The following MOXD1 variants were observed in gnomAD, a reference collection of about 807,000 sequenced individuals.
The protein encoded by MOXD1 is DBH-like monooxygenase protein 1.
A neutral mutation model predicts 66.6 loss-of-function variants in MOXD1; 62 were observed. That is an observed-to-expected ratio of 0.93 (90% CI 0.76 to 1.15). The LOEUF (loss-of-function observed/expected upper bound fraction) is 1.15. Ranked by LOEUF, MOXD1 falls within the 50% of genes most tolerant of loss-of-function variation. MOXD1 has a pLI of 0.00. For synonymous variants in MOXD1, 303 were observed against 281.9 expected (o/e 1.07, Z -0.75); for missense variants, 847 against 754.6 (o/e 1.12, Z -1.44).
At chr6:132,388,626 T>C (rs765984587) in intron 1 of MOXD1, among the ~76,000 whole-genome samples, 5 of 151,164 alleles carry the variant, frequency 3.3e-5, no homozygotes, top group Non-Finnish European at 7.4e-5. Context: ...CCTTGGAGAA[T>C]GGAGAGGAAA....
At chr6:132,322,331 T>G (rs1775093108) in intron 8 of MOXD1, among the ~76,000 whole-genome samples, 1 of 152,224 alleles carries the variant, frequency 6.6e-6, no homozygotes, top group Non-Finnish European at 1.5e-5. Flanking sequence ...AAGACACCTC[T>G]ATTTTACCAC....
chr6:132,394,605 A>G (rs1156829119), intron 1 of MOXD1, among the ~76,000 whole-genome samples: 1 of 140,946 alleles, frequency 7.1e-6, no homozygotes, highest in African/African-American at 2.9e-5. Flanking sequence ...GAAATTTACC[A>G]AAGAGATAGA....
Position 132,323,929 on chromosome 6 carries a change from A to G in MOXD1, c.1113+2T>C. 1.2e-6 allele frequency: 2 copies of G among 1,600,044 alleles called. No homozygotes were observed. The highest frequency in any genetic ancestry group is 1.7e-6 in the Non-Finnish European group (2 of 1,175,400). ...AGCAGCTCAGACTCAGATGCTGCAT[A>G]CCTCTTCCAGGCACTCCAAAGTGCA... On this transcript the variant is annotated splice_donor_variant, in intron 7 of 11. Transcript: ENST00000367963. LOFTEE classifies it high-confidence loss of function.
chr6:132,386,447 A>AC (rs1491538999), intron 1 of MOXD1, among the ~76,000 whole-genome samples: 2,593 of 130,238 alleles, frequency 0.02, 96 homozygotes, highest in African/African-American at 0.067. Context: ...AAAAAAAAAC[A>AC]AAAAAAAAAC....
chr6:132,388,850 C>A (rs1309587922), intron 1 of MOXD1, among the ~76,000 whole-genome samples: 2 of 151,308 alleles, frequency 1.3e-5, no homozygotes, highest in Admixed American at 6.6e-5. Flanking sequence ...CCACACACAA[C>A]TGTTAAATTT....
chr6:132,400,267 T>C (rs1271582923), intron 1 of MOXD1, among the ~76,000 whole-genome samples: 1 of 152,202 alleles, frequency 6.6e-6, no homozygotes, highest in Admixed American at 6.5e-5. Context: ...TCAAGACTTT[T>C]AGCAAAGGGC....
chr6:132,377,600 C>T lies in MOXD1; in HGVS notation c.265-2823G>A, dbSNP rs947502531. On this transcript the variant is annotated intron_variant, in intron 1 of 11. Coordinates refer to ENST00000367963, the MANE Select transcript of MOXD1 (RefSeq NM_015529.4). ...TTATTAGAAAATGAGAGAAACTTCA[C>T]TCAACTTATGTTGATGACCCCTTGC... Among the ~76,000 whole-genome samples the T allele has an allele frequency of 2.0e-5, 3 of 152,174 alleles. No individual in the cohort carries two copies. In the South Asian group the frequency reaches 6.2e-4, roughly 31 times the overall value.
At chr6:132,328,645 A>C (rs774059980) in intron 4 of MOXD1, 51 bp from the exon 5 acceptor site, 4 of 1,502,076 alleles carry the variant, frequency 2.7e-6, no homozygotes, top group Non-Finnish European at 3.7e-6. Flanking sequence ...ACCACCCTAC[A>C]ACATCCCACA....
rs1305069611 is a variant in MOXD1, at chr6:132,349,462, T to TAC, written c.664-20869_664-20868insGT. Among the ~76,000 whole-genome samples, 39 of 33,322 alleles carry TAC rather than the reference T, an allele frequency of 1.2e-3. 5 individuals are homozygous for TAC. The highest frequency in any genetic ancestry group is 4.5e-3 in the African/African-American group (37 of 8,220). The allele number at this position is 33,322 out of a possible 152,430, so 21.9% of individuals were successfully genotyped here. Reference sequence around the variant, plus strand: ...ATATATATATATATACATATATATATATACATATATATATATATACATATA... The same window carrying TAC: ...ATATATATATATATACATATATATATACATACATATATATATATATACATATA... On this transcript the variant is annotated intron_variant, in intron 4 of 11. Coordinates refer to ENST00000367963, the MANE Select transcript of MOXD1 (RefSeq NM_015529.4).
At chr6:132,329,761 A>G (rs899397868) in intron 4 of MOXD1, among the ~76,000 whole-genome samples, 2 of 152,094 alleles carry the variant, frequency 1.3e-5, no homozygotes, top group African/African-American at 4.8e-5. Context: ...ATGAAACAAC[A>G]AGGAAACTTA....
At chr6:132,343,521 G>A (rs1363518571) in intron 4 of MOXD1, among the ~76,000 whole-genome samples, 1 of 152,000 alleles carries the variant, frequency 6.6e-6, no homozygotes, top group Non-Finnish European at 1.5e-5. Flanking sequence ...GTTGCAGTGA[G>A]CCGAAATTGC....
chr6:132,347,886 CTCTT>C (rs1338069725), intron 4 of MOXD1, among the ~76,000 whole-genome samples: 5 of 152,098 alleles, frequency 3.3e-5, no homozygotes, highest in African/African-American at 9.6e-5. Flanking sequence ...TCACTCTTCT[CTCTT>C]TTTTTTTTCT....
intron 4 of MOXD1, among the ~76,000 whole-genome samples, chr6:132,356,166 C>T (rs1419975415): frequency 6.6e-6 from 1 of 152,186 alleles, no homozygotes; most frequent in East Asian, 1.9e-4. Context: ...TGAGTCAGTT[C>T]ACCTTATGAA....
intron 10 of MOXD1, among the ~76,000 whole-genome samples, chr6:132,312,607 T>G (rs1373131497): frequency 6.6e-6 from 1 of 151,426 alleles, no homozygotes; most frequent in Admixed American, 6.6e-5. Flanking sequence ...CCTTTTTTTT[T>G]TTCTTTTTTC....
At chr6:132,391,621 C>T (rs1776766120) in intron 1 of MOXD1, 1 of 151,986 alleles carries the variant, frequency 6.6e-6, no homozygotes, top group Non-Finnish European at 1.5e-5. Flanking sequence ...CTTCCAGAAA[C>T]ATGACAATGT....
chr6:132,349,779 C>T (rs1214517392), intron 4 of MOXD1, among the ~76,000 whole-genome samples: 1 of 151,780 alleles, frequency 6.6e-6, no homozygotes, highest in Non-Finnish European at 1.5e-5. Context: ...TCCACACCAA[C>T]ATCTCCTGTT....
At chr6:132,393,151 AGTGT>A (rs60580838) in intron 1 of MOXD1, among the ~76,000 whole-genome samples, 4 of 150,748 alleles carry the variant, frequency 2.7e-5, no homozygotes, top group Admixed American at 1.3e-4. Context: ...GAGTGGAGTG[AGTGT>A]GTGTGTGTGT....
intron 4 of MOXD1, among the ~76,000 whole-genome samples, chr6:132,333,935 C>T (rs150975037): frequency 2.6e-5 from 4 of 152,306 alleles, no homozygotes; most frequent in South Asian, 4.1e-4. Context: ...GATCAAGTAA[C>T]GGGAGCTTTC....
At chr6:132,314,971 A>C (rs1024244320) in intron 10 of MOXD1, among the ~76,000 whole-genome samples, 1 of 152,220 alleles carries the variant, frequency 6.6e-6, no homozygotes, top group Non-Finnish European at 1.5e-5. Flanking sequence ...CCTGCTTGCA[A>C]GGATAATCCT....
Sources: gnomAD v4.1 joint callset for allele counts (sites outside exome capture counted in the v4.1 genomes callset) on GRCh38, gnomAD v4.1.1 for gene constraint, MANE v1.5 for transcripts, NCBI Gene and HGNC (gene_info 2026-07-23, HGNC 2026-07-21) for gene names.